Variants in AGAP1 observed in about 807,000 individuals in gnomAD.
The protein encoded by AGAP1 is ArfGAP with GTPase domain, ankyrin repeat and PH domain 1.
In AGAP1, 29 loss-of-function variants were observed where a neutral mutation model predicts 105.3. The observed-to-expected ratio is 0.28, with a 90% CI of 0.21 to 0.38. AGAP1 has a LOEUF of 0.38. Ranked by LOEUF, AGAP1 falls within the 10% of genes least tolerant of loss-of-function variation. The pLI is 1.00. For synonymous variants in AGAP1, 509 were observed against 485.9 expected, an observed-to-expected ratio of 1.05 and a Z score of -0.63; for missense variants, 998 against 1,165.1, an observed-to-expected ratio of 0.86 and a Z score of 2.09.
chr2:235,924,530 G>A (rs58916061), intron 11 of AGAP1, among the ~76,000 whole-genome samples: 4 of 152,162 alleles, frequency 2.6e-5, no homozygotes, highest in East Asian at 1.9e-4. Flanking sequence ...TCTGCATACC[G>A]GGTCCCATCT....
In AGAP1 at chr2:235,752,220, C is replaced by G. The variant is rs759844091; in HGVS notation, c.673+1732C>G. 6.6e-6 allele frequency among the ~76,000 whole-genome samples: 1 copy of G among 152,190 alleles called. No homozygotes were observed. The highest frequency in any genetic ancestry group is 1.5e-5 in the Non-Finnish European group (1 of 68,040). Reference sequence around the variant, plus strand: ...TGGAGACAGAGTCTAGCTCTTTGCCCAGGCTGGAGTGCAATGGCGTGATGG... The same window carrying G: ...TGGAGACAGAGTCTAGCTCTTTGCCGAGGCTGGAGTGCAATGGCGTGATGG... On this transcript the variant is annotated intron_variant, in intron 6 of 17. Transcript: ENST00000304032. The surrounding 1 kb of genome is among the most constrained non-coding windows in gnomAD (Gnocchi z 4.3).
At chr2:235,935,423 T>C (rs1425317991) in intron 12 of AGAP1, among the ~76,000 whole-genome samples, 1 of 152,228 alleles carries the variant, frequency 6.6e-6, no homozygotes, top group Non-Finnish European at 1.5e-5. Context: ...TTACATTTTT[T>C]CCCACTCTTC....
chr2:235,767,721 G>A (rs894635338), intron 6 of AGAP1, among the ~76,000 whole-genome samples: 23 of 151,840 alleles, frequency 1.5e-4, no homozygotes, highest in African/African-American at 4.8e-5. Flanking sequence ...GGCACAGCAC[G>A]GATGGGATTG....
intron 13 of AGAP1, among the ~76,000 whole-genome samples, chr2:235,997,367 A>G (rs1354220594): frequency 2.6e-5 from 4 of 152,224 alleles, no homozygotes; most frequent in Non-Finnish European, 4.4e-5. Flanking sequence ...GATTACAGGC[A>G]TGAGCCACCG....
chr2:236,021,045 A>G (rs1482675587), intron 13 of AGAP1, among the ~76,000 whole-genome samples: 1 of 152,036 alleles, frequency 6.6e-6, no homozygotes, highest in Non-Finnish European at 1.5e-5. Flanking sequence ...GCGTGCCTGT[A>G]ATCCCAGCTA....
At position 235,621,652 on chromosome 2, in the gene AGAP1, A is replaced by G. The variant is rs1461836875; in HGVS notation, c.164-87527A>G. Among the ~76,000 whole-genome samples the G allele has an allele frequency of 2.6e-5, 4 of 152,218 alleles. No homozygotes were observed. The highest frequency in any genetic ancestry group is 5.9e-5 in the Non-Finnish European group (4 of 68,040). On this transcript the variant is annotated intron_variant, in intron 1 of 17. Coordinates refer to ENST00000304032, the MANE Select transcript of AGAP1 (RefSeq NM_001037131.3). This position sits in a 1 kb window ranked among gnomAD's most constrained non-coding sequence, Gnocchi z 4.1. ...GTCAGTGACCCTTCTGGTCTCTCCA[A>G]CACAAGGGTTGGTCATTCCCTGTGC...
At chr2:235,894,894 G>C (rs1250665868) in intron 10 of AGAP1, among the ~76,000 whole-genome samples, 3 of 152,212 alleles carry the variant, frequency 2.0e-5, no homozygotes, top group Non-Finnish European at 4.4e-5. Flanking sequence ...GTTCCAACGT[G>C]GCTTTGTGGA....
chr2:235,778,151 C>A (rs909329957), intron 6 of AGAP1, among the ~76,000 whole-genome samples: 25 of 152,250 alleles, frequency 1.6e-4, no homozygotes, highest in Admixed American at 1.6e-3. Flanking sequence ...TCAGGTTAGA[C>A]CCCTGGGCCA....
At chr2:235,829,199 C>T (rs1204778760) in intron 9 of AGAP1, among the ~76,000 whole-genome samples, 3 of 152,242 alleles carry the variant, frequency 2.0e-5, no homozygotes, top group Admixed American at 6.5e-5. Flanking sequence ...AGCCTCTGTG[C>T]ATCCCCTGGC....
chr2:235,842,423 G>A lies in AGAP1; in HGVS notation c.1050+35092G>A, dbSNP rs1960974948. ...GCCGTTGTCCCAGATAATTGAATAG[G>A]TTGTTTTCTCTGGTCACCGTTTGGC... On this transcript the variant is annotated intron_variant, in intron 9 of 17. Transcript: ENST00000304032. The surrounding 1 kb of genome is among the most constrained non-coding windows in gnomAD (Gnocchi z 5.3). Among the ~76,000 whole-genome samples, 1 of 152,180 alleles carries A rather than the reference G, an allele frequency of 6.6e-6. No individual in the cohort carries two copies. Among genetic ancestry groups the A allele is most frequent in the African/African-American group, 2.4e-5 (1 of 41,426 alleles).
chr2:235,682,606 A>G (rs1949139689), intron 1 of AGAP1, among the ~76,000 whole-genome samples: 1 of 151,988 alleles, frequency 6.6e-6, no homozygotes, highest in Non-Finnish European at 1.5e-5. Flanking sequence ...TAGCCTCCCA[A>G]AGTGCTGGGA....
In AGAP1 at chr2:235,538,389, C is replaced by T. The variant is rs537267794; in HGVS notation, c.163+43540C>T. On this transcript the variant is annotated intron_variant, in intron 1 of 17. Coordinates refer to ENST00000304032, the MANE Select transcript of AGAP1 (RefSeq NM_001037131.3). ...CTCAGACTGTCGGAGAATATGCTTG[C>T]TCCTCTCCTAGGCTCTGGAGGAAGA... Among the ~76,000 whole-genome samples the T allele has an allele frequency of 2.0e-5, 3 of 148,448 alleles. No individual in the cohort carries two copies. The South Asian group carries it at 6.4e-4, about 32-fold the overall frequency.
chr2:235,570,962 G>A (rs954238578), intron 1 of AGAP1, among the ~76,000 whole-genome samples: 5 of 152,226 alleles, frequency 3.3e-5, no homozygotes, highest in Non-Finnish European at 7.3e-5. Flanking sequence ...CAGTTCTGCA[G>A]GCTGTACAGG....
chr2:235,750,931 G>A lies in AGAP1; in HGVS notation c.673+443G>A, dbSNP rs1453693522. On this transcript the variant is annotated intron_variant, in intron 6 of 17. Transcript: ENST00000304032. The surrounding 1 kb of genome is among the most constrained non-coding windows in gnomAD (Gnocchi z 5.3). Reference sequence around the variant, plus strand: ...AAGGAGGAGAGAGAGAGTCAAGTTTGGACCTCCCCCCACCAAAAAAATAAT... The same window carrying A: ...AAGGAGGAGAGAGAGAGTCAAGTTTAGACCTCCCCCCACCAAAAAAATAAT... 6.6e-6 allele frequency among the ~76,000 whole-genome samples: 1 copy of A among 152,078 alleles called. No individual in the cohort carries two copies. The highest frequency in any genetic ancestry group is 1.9e-4 in the East Asian group (1 of 5,180).
At chr2:235,913,763 C>T (rs917745991) in intron 11 of AGAP1, among the ~76,000 whole-genome samples, 2 of 152,136 alleles carry the variant, frequency 1.3e-5, no homozygotes, top group Non-Finnish European at 1.5e-5. Flanking sequence ...CATTGGTGCA[C>T]ATGACATCAG....
chr2:236,084,197 C>T (rs568187517), intron 16 of AGAP1, among the ~76,000 whole-genome samples: 51 of 150,842 alleles, frequency 3.4e-4, no homozygotes, highest in Non-Finnish European at 6.6e-4. Flanking sequence ...AATGATGGTT[C>T]GCTTTAGTTG....
At chr2:235,670,539 C>A in intron 1 of AGAP1, 1 of 482,928 alleles carries the variant, frequency 2.1e-6, no homozygotes, top group South Asian at 3.3e-5. Flanking sequence ...GCCCGGGCCG[C>A]GCCCCTGCGG....
chr2:235,767,246 A>T (rs917326691), intron 6 of AGAP1, among the ~76,000 whole-genome samples: 1 of 149,346 alleles, frequency 6.7e-6, no homozygotes, highest in Admixed American at 7.0e-5. Context: ...AAATGGACTT[A>T]TTATTTAGCC....
chr2:235,635,393 T>A lies in AGAP1; in HGVS notation c.164-73786T>A, dbSNP rs961910897. 5.3e-5 allele frequency among the ~76,000 whole-genome samples: 8 copies of A among 152,196 alleles called. No homozygotes were observed. Among genetic ancestry groups the A allele is most frequent in the African/African-American group, 9.7e-5 (4 of 41,446 alleles). On this transcript the variant is annotated intron_variant, in intron 1 of 17. Transcript: ENST00000304032. The surrounding 1 kb of genome is among the most constrained non-coding windows in gnomAD (Gnocchi z 5.3). ...CTTTTCTCTGCCCGTAGGATTGACT[T>A]TCATCTTGCCTGGTAATAAGCCCTC...
Sources: gnomAD v4.1 joint callset for allele counts (sites outside exome capture counted in the v4.1 genomes callset) on GRCh38, gnomAD v4.1.1 for gene constraint, Gnocchi (gnomAD v3.1) non-coding constraint, MANE v1.5 for transcripts, NCBI Gene and HGNC (gene_info 2026-07-23, HGNC 2026-07-21) for gene names.